Variants in SMAP1 observed in about 807,000 individuals in gnomAD.
SMAP1 encodes the protein stromal membrane-associated protein 1.
In SMAP1, 24 loss-of-function variants were observed where a neutral mutation model predicts 58.5. The ratio of observed to expected loss-of-function variants is 0.41; its 90% CI spans 0.30 to 0.58. The LOEUF (loss-of-function observed/expected upper bound fraction) is 0.58. SMAP1 is among the 20% of genes least tolerant of loss of function. The pLI is 0.29. For synonymous variants in SMAP1, 216 were observed against 196.6 expected (o/e 1.10, Z -0.82); for missense variants, 563 against 566.3 (o/e 0.99, Z 0.06).
chr6:70,690,153 T>C (rs1165793922), intron 1 of SMAP1, among the ~76,000 whole-genome samples: 1 of 152,200 alleles, frequency 6.6e-6, no homozygotes, highest in African/African-American at 2.4e-5. Flanking sequence ...GTTCAGACTT[T>C]ATCTTTTATG....
intron 3 of SMAP1, among the ~76,000 whole-genome samples, chr6:70,763,489 C>T (rs1321469991): frequency 6.6e-6 from 1 of 152,124 alleles, no homozygotes; most frequent in Non-Finnish European, 1.5e-5. Context: ...AACATTAACA[C>T]CTACAGTAGC....
intron 4 of SMAP1, among the ~76,000 whole-genome samples, chr6:70,787,400 A>C (rs1199375799): frequency 1.3e-5 from 2 of 152,218 alleles, no homozygotes; most frequent in African/African-American, 4.8e-5. Context: ...CAAGGACTTC[A>C]TGTCTAAAAC....
chr6:70,858,287 C>CTTTTTTT (rs68188898), intron 10 of SMAP1, 58 bp downstream of exon 10: 1 of 255,138 alleles, frequency 3.9e-6, no homozygotes, highest in Non-Finnish European at 6.4e-6. Context: ...TTTTCTAAAT[C>CTTTTTTT]TTTTTTTTTT....
intron 6 of SMAP1, among the ~76,000 whole-genome samples, chr6:70,835,067 G>A (rs982193105): frequency 1.4e-4 from 21 of 147,570 alleles, no homozygotes; most frequent in African/African-American, 5.0e-4. Flanking sequence ...AGCTAACACG[G>A]TGAAACCCTG....
intron 7 of SMAP1, among the ~76,000 whole-genome samples, chr6:70,844,150 TAGAA>T (rs1446253772): frequency 6.6e-6 from 1 of 152,216 alleles, no homozygotes; most frequent in African/African-American, 2.4e-5. Context: ...TTTAAACATT[TAGAA>T]AGAAATTTGG....
In SMAP1 at chr6:70,803,122, A is replaced by G. The variant is rs1443776566; in HGVS notation, c.576+4385A>G. ...GTACCTCTGTTAGAATTTGGCTGTG[A>G]GTCTGTCTGGTCCTGGACTTTTTTT... On this transcript the variant is annotated intron_variant, in intron 6 of 10. Transcript: ENST00000370455. Among the ~76,000 whole-genome samples, 4 of 152,224 alleles carry G rather than the reference A, an allele frequency of 2.6e-5. No homozygotes were observed. The East Asian group carries it at 7.7e-4, about 29-fold the overall frequency.
intron 2 of SMAP1, among the ~76,000 whole-genome samples, chr6:70,743,006 G>A (rs936858904): frequency 6.6e-6 from 1 of 152,180 alleles, no homozygotes; most frequent in Non-Finnish European, 1.5e-5. Context: ...AGAATTATGG[G>A]AGCTACAATT....
intron 1 of SMAP1, among the ~76,000 whole-genome samples, chr6:70,721,812 C>T (rs1384827376): frequency 6.6e-6 from 1 of 152,014 alleles, no homozygotes. Flanking sequence ...AAGTGGGAAC[C>T]CCTGATAAAC....
Position 70,785,856 on chromosome 6 carries a change from C to T in SMAP1, c.415-5833C>T, listed in dbSNP as rs1363749392. 5.3e-5 allele frequency among the ~76,000 whole-genome samples: 8 copies of T among 152,098 alleles called. No homozygotes were observed. In the East Asian group the frequency reaches 9.6e-4, roughly 18 times the overall value. ...GTTCAGGACCAGATGGATTCACAGC[C>T]GAATTCTACCAGAGGTACAAGGAGG... On this transcript the variant is annotated intron_variant, in intron 4 of 10. Coordinates refer to ENST00000370455, the MANE Select transcript of SMAP1 (RefSeq NM_001044305.3).
chr6:70,687,492 T>A (rs1054722738), intron 1 of SMAP1, among the ~76,000 whole-genome samples: 1 of 152,174 alleles, frequency 6.6e-6, no homozygotes, highest in African/African-American at 2.4e-5. Flanking sequence ...TTTGCTTCTC[T>A]GTTTTGAAGA....
At chr6:70,774,151 C>T (rs1767449658) in intron 4 of SMAP1, among the ~76,000 whole-genome samples, 1 of 152,102 alleles carries the variant, frequency 6.6e-6, no homozygotes, top group Non-Finnish European at 1.5e-5. Flanking sequence ...TAGGTTGTAC[C>T]ATCTAGGTTT....
intron 3 of SMAP1, among the ~76,000 whole-genome samples, chr6:70,757,770 T>G (rs1482414010): frequency 1.3e-5 from 2 of 152,096 alleles, no homozygotes; most frequent in African/African-American, 2.4e-5. Flanking sequence ...CATGAAAAAA[T>G]GCTCATTATC....
intron 6 of SMAP1, among the ~76,000 whole-genome samples, chr6:70,822,042 T>G (rs1769914171): frequency 6.6e-6 from 1 of 152,200 alleles, no homozygotes; most frequent in Non-Finnish European, 1.5e-5. Context: ...AAGAAAGGCT[T>G]TTGTTCACTA....
chr6:70,784,160 A>C (rs900323468), intron 4 of SMAP1, among the ~76,000 whole-genome samples: 3 of 152,188 alleles, frequency 2.0e-5, no homozygotes, highest in African/African-American at 7.2e-5. Flanking sequence ...GCATTCTTAA[A>C]GAAAAGAATT....
chr6:70,747,854 TAAATC>T lies in SMAP1; in HGVS notation c.253-7123_253-7119del, dbSNP rs372060952. On this transcript the variant is annotated intron_variant, in intron 2 of 10. Transcript: ENST00000370455. ...AGTAATTAGCAAATGCTGCAACAGATAAATCAATATCTGAGAATATCTAGAAATTG... is the reference window on the plus strand; with the variant it reads ...AGTAATTAGCAAATGCTGCAACAGATAATATCTGAGAATATCTAGAAATTG... Among the ~76,000 whole-genome samples the T allele has an allele frequency of 3.9e-3, 596 of 152,294 alleles. 3 individuals carry two copies. The highest frequency in any genetic ancestry group is 0.014 in the African/African-American group (580 of 41,572).
intron 4 of SMAP1, among the ~76,000 whole-genome samples, chr6:70,778,039 A>T (rs984622475): frequency 3.9e-5 from 6 of 152,156 alleles, no homozygotes; most frequent in African/African-American, 1.4e-4. Flanking sequence ...GGCATGAGCC[A>T]CCACACCCAG....
intron 7 of SMAP1, among the ~76,000 whole-genome samples, chr6:70,846,086 CAGG>C (rs781174060): frequency 6.6e-6 from 1 of 152,130 alleles, no homozygotes; most frequent in Non-Finnish European, 1.5e-5. Flanking sequence ...GGCGATTTTA[CAGG>C]AGAAGGATCA....
chr6:70,677,372 A>G (rs1479682656), intron 1 of SMAP1, among the ~76,000 whole-genome samples: 1 of 148,960 alleles, frequency 6.7e-6, no homozygotes, highest in Non-Finnish European at 1.5e-5. Context: ...CCTTATTGCA[A>G]AGATTTATTT....
chr6:70,679,057 T>C (rs1766596313), intron 1 of SMAP1, among the ~76,000 whole-genome samples: 1 of 151,622 alleles, frequency 6.6e-6, no homozygotes, highest in South Asian at 2.1e-4. Context: ...GGAGTCTTAC[T>C]CTGTCGCCCA....
Sources: gnomAD v4.1 joint callset for allele counts (sites outside exome capture counted in the v4.1 genomes callset) on GRCh38, gnomAD v4.1.1 for gene constraint, MANE v1.5 for transcripts, NCBI Gene and HGNC (gene_info 2026-07-23, HGNC 2026-07-21) for gene names.